VSX2: variants seen among roughly 807,000 people sequenced by gnomAD.
The protein encoded by VSX2 is ceh-10 homeo domain containing homolog.
A neutral mutation model predicts 32.1 loss-of-function variants in VSX2; 28 were observed. The observed-to-expected ratio is 0.87, with a 90% CI of 0.65 to 1.20. The LOEUF (loss-of-function observed/expected upper bound fraction) is 1.20. VSX2 is among the 50% of genes most tolerant of loss of function. The probability of loss-of-function intolerance (pLI) is 0.00; values close to 1 mark genes in which losing one functional copy is unlikely to be tolerated. For missense variants in VSX2, 506 were observed against 488.7 expected (o/e 1.04, Z -0.33); for synonymous variants, 243 against 214.1 (o/e 1.14, Z -1.18).
intron 2 of VSX2, among the ~76,000 whole-genome samples, chr14:74,244,881 AGTGTGTGTGTGTGTGTGTGTGTGTGTGT>A (rs57885912): frequency 3.9e-5 from 2 of 51,318 alleles, no homozygotes; most frequent in South Asian, 6.9e-4. Flanking sequence ...AGAGAGAGAA[AGTGTGTGTGTGTGTGTGTGTGTGTGTGT>A]GTGTGTGTGT....
Position 74,239,807 on chromosome 14 carries a change from G to A in VSX2, c.246G>A (p.Gly82=), listed in dbSNP as rs758201632. 3.8e-6 allele frequency: 6 copies of A among 1,570,284 alleles called. No homozygotes were observed. In the South Asian group the frequency reaches 4.7e-5, roughly 12 times the overall value. ...GVGGMGLLGP[G]GLPGFYTQPT... Reference sequence around the variant, plus strand: ...GCGGCATGGGGCTTCTGGGGCCCGGGGGGCTCCCTGGCTTCTACACGCAGC... The same window carrying A: ...GCGGCATGGGGCTTCTGGGGCCCGGAGGGCTCCCTGGCTTCTACACGCAGC... The change falls in exon 1 of 5, where the codon GGG becomes GGA. Residue 82 remains glycine (G), a synonymous_variant. Coordinates refer to ENST00000261980, the MANE Select transcript of VSX2 (RefSeq NM_182894.3).
In VSX2 at chr14:74,261,034, T is replaced by A; in HGVS notation, c.*115T>A. ...ACCTGGCCTCTGCCATCCTCCCTGT[T>A]CCCCACAGGTCCTCCATCACCCCTG... On this transcript the variant is annotated 3_prime_UTR_variant, in exon 5 of 5. Transcript: ENST00000261980. 1 of 1,234,018 alleles carries A rather than the reference T, an allele frequency of 8.1e-7. No individual in the cohort carries two copies. The highest frequency in any genetic ancestry group is 1.1e-6 in the Non-Finnish European group (1 of 878,224). 76.4% of individuals were successfully genotyped at this position (1,234,018 alleles called of 1,614,324 possible). A position where few individuals can be genotyped will look rare whatever the true frequency, so the allele number is the denominator to read the frequency against.
chr14:74,248,160 T>C (rs578194435), intron 3 of VSX2, among the ~76,000 whole-genome samples: 1 of 151,858 alleles, frequency 6.6e-6, no homozygotes, highest in South Asian at 2.1e-4. Context: ...CCTCCCAGCC[T>C]AGCTTTGGGT....
Position 74,260,687 on chromosome 14 carries a change from A to T in VSX2, c.854A>T (p.Gln285Leu). ...CTGCCCAAGCTCGACAAGATGGAGC[A>T]GGACGAGCGGGGCCCCGACGCTCAG... Reference protein sequence around the residue: ...QALPKLDKMEQDERGPDAQAA... With the variant: ...QALPKLDKMELDERGPDAQAA... The change falls in exon 5 of 5, where the codon CAG becomes CTG. Residue 285 changes from glutamine (Q) to leucine (L), a missense_variant. Coordinates refer to ENST00000261980, the MANE Select transcript of VSX2 (RefSeq NM_182894.3). 1.3e-6 allele frequency: 2 copies of T among 1,597,854 alleles called. No individual in the cohort carries two copies. Among genetic ancestry groups the T allele is most frequent in the Non-Finnish European group, 1.7e-6 (2 of 1,172,864 alleles).
At chr14:74,249,472 G>A (rs1407645447) in intron 3 of VSX2, among the ~76,000 whole-genome samples, 3 of 152,086 alleles carry the variant, frequency 2.0e-5, no homozygotes, top group Non-Finnish European at 2.9e-5. Context: ...TTTTTGCCAC[G>A]TTGGCCAGGC....
At chr14:74,250,209 C>T (rs1011410105) in intron 3 of VSX2, among the ~76,000 whole-genome samples, 3 of 150,772 alleles carry the variant, frequency 2.0e-5, no homozygotes, top group African/African-American at 7.3e-5. Context: ...TGCACCTCAG[C>T]CTGGGTGACA....
At chr14:74,251,708 C>CT (rs1358104012) in intron 3 of VSX2, among the ~76,000 whole-genome samples, 1 of 152,152 alleles carries the variant, frequency 6.6e-6, no homozygotes, top group Non-Finnish European at 1.5e-5. Flanking sequence ...GTGGTCGGAG[C>CT]TGCCCCCTAG....
rs184658307 is a variant in VSX2, at chr14:74,242,689, C to T, written c.455+1423C>T. Among the ~76,000 whole-genome samples, 15 of 150,642 alleles carry T rather than the reference C, an allele frequency of 1.0e-4. No homozygotes were observed. The East Asian group carries it at 2.2e-3, about 22-fold the overall frequency. On this transcript the variant is annotated intron_variant, in intron 2 of 4. Transcript: ENST00000261980. ...AAACACTTTTTATGCACCCATCTTACGCGGGTCCCAGGGTGGGTAATCTTG... is the reference window on the plus strand; with the variant it reads ...AAACACTTTTTATGCACCCATCTTATGCGGGTCCCAGGGTGGGTAATCTTG...
At chr14:74,259,447 TGAGCCTGGAGGAACACA>T (rs2079288664) in intron 3 of VSX2, among the ~76,000 whole-genome samples, 138 bp from the exon 4 acceptor site, 1 of 145,422 alleles carries the variant, frequency 6.9e-6, no homozygotes, top group East Asian at 1.9e-4. Flanking sequence ...GAATACTCCC[TGAGCCTGGAGGAACACA>T]GAGGGCACCA....
intron 3 of VSX2, among the ~76,000 whole-genome samples, chr14:74,247,523 A>T (rs927513928): frequency 6.6e-6 from 1 of 152,224 alleles, no homozygotes; most frequent in Non-Finnish European, 1.5e-5. Context: ...GATCTTATTA[A>T]GTCCTGGTGA....
intron 3 of VSX2, among the ~76,000 whole-genome samples, chr14:74,246,794 C>T (rs1360536127): frequency 1.3e-5 from 2 of 152,068 alleles, no homozygotes; most frequent in Non-Finnish European, 2.9e-5. Flanking sequence ...TTGTCTCTTG[C>T]AGTGGGTTGT....
chr14:74,253,666 C>G (rs767524143), intron 3 of VSX2, among the ~76,000 whole-genome samples: 2 of 152,220 alleles, frequency 1.3e-5, no homozygotes, highest in Non-Finnish European at 2.9e-5. Flanking sequence ...TGTGGTGGCT[C>G]ACGCCTGTAA....
At position 74,239,920 on chromosome 14, in the gene VSX2, C is replaced by T. The variant is rs1473142346; in HGVS notation, c.359C>T (p.Thr120Met). 6.4e-7 allele frequency: 1 copy of T among 1,566,310 alleles called. No individual in the cohort carries two copies. Among genetic ancestry groups the T allele is most frequent in the Non-Finnish European group, 8.6e-7 (1 of 1,156,474 alleles). ...TCGGGGCCGCTGGACACCAGCCAGA[C>T]GGCCAGCTCGGGTAGGTGAGGAGAG... is the stretch of plus-strand genomic sequence containing the variant. ...RASGPLDTSQ[T>M]ASSDSEDVSS... Residue 120 changes from threonine to methionine, a missense_variant, in exon 1 of 5, where the codon ACG becomes ATG. Physicochemically the swap from Thr to Met is moderately conservative, Grantham distance 81. Coordinates refer to ENST00000261980, the MANE Select transcript of VSX2 (RefSeq NM_182894.3).
intron 3 of VSX2, among the ~76,000 whole-genome samples, chr14:74,257,514 G>A (rs1200708915): frequency 1.3e-5 from 2 of 152,266 alleles, no homozygotes; most frequent in South Asian, 2.1e-4. Flanking sequence ...AATGAATAAA[G>A]GCCAGAGGAC....
At chr14:74,241,665 C>G (rs1253205655) in intron 2 of VSX2, among the ~76,000 whole-genome samples, 1 of 152,234 alleles carries the variant, frequency 6.6e-6, no homozygotes, top group Non-Finnish European at 1.5e-5. Context: ...CCCTCGGCCT[C>G]AACCGCCGCC....
chr14:74,241,157 G>T (rs1276209157), intron 1 of VSX2, 25 bp from the exon 2 acceptor site: 3 of 1,610,264 alleles, frequency 1.9e-6, no homozygotes, highest in Non-Finnish European at 2.5e-6. Flanking sequence ...CCACTCTGCC[G>T]CATGTCCCTA....
At chr14:74,243,544 C>T (rs2079165075) in intron 2 of VSX2, among the ~76,000 whole-genome samples, 1 of 151,254 alleles carries the variant, frequency 6.6e-6, no homozygotes, top group Admixed American at 6.6e-5. Context: ...TGCCTTTGTG[C>T]CTCAGTTTCC....
intron 3 of VSX2, among the ~76,000 whole-genome samples, chr14:74,246,603 G>A (rs979217994): frequency 6.6e-6 from 1 of 152,234 alleles, no homozygotes; most frequent in African/African-American, 2.4e-5. Flanking sequence ...GTTGAATTGT[G>A]TGTGTGCACG....
intron 3 of VSX2, 27 bp from the exon 4 acceptor site, chr14:74,259,575 C>G (rs755406467): frequency 3.1e-6 from 5 of 1,613,886 alleles, no homozygotes; most frequent in African/African-American, 2.7e-5. Context: ...TCAGAGCAAG[C>G]CTCTGACCTG....
Sources: gnomAD v4.1 joint callset for allele counts (sites outside exome capture counted in the v4.1 genomes callset) on GRCh38, gnomAD v4.1.1 for gene constraint, MANE v1.5 for transcripts, NCBI Gene and HGNC (gene_info 2026-07-23, HGNC 2026-07-21) for gene names.